The following DPP6 variants were observed in gnomAD, a reference collection of about 807,000 sequenced individuals.
The protein encoded by DPP6 is dipeptidyl peptidase like 6.
Under a neutral mutation model 122.6 loss-of-function variants are expected in DPP6, and 69 were observed. That is an observed-to-expected ratio of 0.56 (90% CI 0.46 to 0.69). The LOEUF is 0.69. Ranked by LOEUF, DPP6 falls within the 30% of genes least tolerant of loss-of-function variation. The probability of loss-of-function intolerance (pLI) is 0.00; values close to 1 mark genes in which losing one functional copy is unlikely to be tolerated. For synonymous variants in DPP6, 418 were observed against 433.1 expected, an observed-to-expected ratio of 0.97 and a Z score of 0.43; for missense variants, 928 against 1,116.9, an observed-to-expected ratio of 0.83 and a Z score of 2.41.
At chr7:154,132,035 G>A (rs1387993284) in intron 1 of DPP6, among the ~76,000 whole-genome samples, 7 of 152,068 alleles carry the variant, frequency 4.6e-5, no homozygotes, top group Admixed American at 4.6e-4. Context: ...TGCAGATGAG[G>A]GTGAGACCTT....
chr7:154,594,724 G>A (rs1387385010), intron 5 of DPP6, among the ~76,000 whole-genome samples: 1 of 152,100 alleles, frequency 6.6e-6, no homozygotes. Flanking sequence ...CTACCACAAC[G>A]TTGAACTTAC....
chr7:154,572,926 C>T (rs1008196907), intron 5 of DPP6, among the ~76,000 whole-genome samples: 3 of 151,868 alleles, frequency 2.0e-5, no homozygotes, highest in East Asian at 1.9e-4. Context: ...TTGATCCACC[C>T]GCCTCGGCCT....
rs748882322 is a variant in DPP6, at chr7:154,837,232, ACG to A, written c.1667-16546_1667-16545del. ...CACATGCACACACATGCACACACAC[ACG>A]CATGCATAAGGCACATTCACACATG... is the stretch of plus-strand genomic sequence containing the variant. On this transcript the variant is annotated intron_variant, in intron 16 of 25. Coordinates refer to ENST00000377770, the MANE Select transcript of DPP6 (RefSeq NM_130797.4). 5.4e-3 allele frequency among the ~76,000 whole-genome samples: 820 copies of A among 151,270 alleles called. 7 individuals are homozygous for A. The highest frequency in any genetic ancestry group is 0.019 in the African/African-American group (778 of 41,098).
chr7:154,853,588 A>C (rs1033711953), intron 16 of DPP6, among the ~76,000 whole-genome samples, 192 bp from the exon 17 acceptor site: 2 of 152,246 alleles, frequency 1.3e-5, no homozygotes, highest in South Asian at 2.1e-4. Context: ...GTGCAGAGGT[A>C]GGGAGCTGTG....
intron 1 of DPP6, among the ~76,000 whole-genome samples, chr7:154,391,058 G>A (rs1445281982): frequency 6.6e-6 from 1 of 152,172 alleles, no homozygotes; most frequent in Admixed American, 6.5e-5. Context: ...ATGAGGTGAT[G>A]TGCATAAAGC....
At chr7:154,152,212 C>T (rs554966679) in intron 1 of DPP6, among the ~76,000 whole-genome samples, 1 of 152,128 alleles carries the variant, frequency 6.6e-6, no homozygotes, top group East Asian at 1.9e-4. Flanking sequence ...GGTAGGCTTG[C>T]CACATGGAAG....
chr7:154,372,959 C>T (rs1812802431), intron 1 of DPP6, among the ~76,000 whole-genome samples: 1 of 152,200 alleles, frequency 6.6e-6, no homozygotes, highest in Admixed American at 6.5e-5. Flanking sequence ...GGGGACTGAC[C>T]CTGGAAATGG....
upstream of DPP6, among the ~76,000 whole-genome samples, chr7:153,885,855 C>A (rs555300491): frequency 4.6e-5 from 7 of 152,186 alleles, no homozygotes; most frequent in South Asian, 1.5e-3. Context: ...GTGCACATGT[C>A]CTAATGTTTT....
chr7:153,773,328 ATAT>A, the DPP6 span, among the ~76,000 whole-genome samples: 15 of 68,292 alleles, frequency 2.2e-4, no homozygotes, highest in Non-Finnish European at 4.7e-4. Flanking sequence ...ATATATATAT[ATAT>A]TTTTTTTTAA....
chr7:154,077,177 A>G (rs1233738040), intron 1 of DPP6, among the ~76,000 whole-genome samples: 2 of 152,192 alleles, frequency 1.3e-5, no homozygotes, highest in Non-Finnish European at 2.9e-5. Flanking sequence ...ATGCCTTTGC[A>G]TTGTTGCACT....
chr7:153,969,352 A>G (rs1245044738), intron 1 of DPP6, among the ~76,000 whole-genome samples: 2 of 7,600 alleles, frequency 2.6e-4, no homozygotes, highest in Admixed American at 3.8e-3. Flanking sequence ...GAGGAGGGTG[A>G]TTTTGACAGT....
At chr7:154,683,355 C>G (rs1326344311) in intron 7 of DPP6, among the ~76,000 whole-genome samples, 3 of 152,280 alleles carry the variant, frequency 2.0e-5, no homozygotes, top group Non-Finnish European at 4.4e-5. Context: ...AAAGCTCTGC[C>G]CTGTAAGTGG....
intron 1 of DPP6, among the ~76,000 whole-genome samples, chr7:154,421,475 AC>A (rs1817467456): frequency 6.6e-6 from 1 of 152,138 alleles, no homozygotes; most frequent in South Asian, 2.1e-4. Context: ...GGCGTGCACC[AC>A]CACGCCCAGC....
rs1247717849 is a variant in DPP6 at position 154,663,178 on chromosome 7, T to C, written c.681-6182T>C. On this transcript the variant is annotated intron_variant, in intron 6 of 25. Transcript: ENST00000377770. The stretch of plus-strand genomic sequence containing the variant: ...AATCACCATGGCGTATTGGCGGTAG[T>C]GTTCATATAGTCATGGTGAATCAGC... 6.7e-5 allele frequency among the ~76,000 whole-genome samples: 5 copies of C among 74,784 alleles called. 2 individuals carry two copies. The Admixed American group carries it at 6.9e-4, about 10-fold the overall frequency. The allele number at this position is 74,784 out of a possible 152,430, so 49.1% of individuals were successfully genotyped here.
chr7:154,012,143 C>G (rs1001484893), intron 1 of DPP6, among the ~76,000 whole-genome samples: 1 of 152,158 alleles, frequency 6.6e-6, no homozygotes. Context: ...ACTATTAGAG[C>G]CAGGTTTAGT....
At chr7:154,013,100 G>A (rs1042002117) in intron 1 of DPP6, among the ~76,000 whole-genome samples, 9 of 152,206 alleles carry the variant, frequency 5.9e-5, no homozygotes, top group African/African-American at 2.2e-4. Flanking sequence ...CTCCCAGGCT[G>A]GAAAACAGCC....
At position 154,658,058 on chromosome 7, in the gene DPP6, A is replaced by C. The variant is rs1837386280; in HGVS notation, c.681-11302A>C. Among the ~76,000 whole-genome samples the C allele has an allele frequency of 2.0e-5, 3 of 152,332 alleles. No individual in the cohort carries two copies. In the South Asian group the frequency reaches 6.2e-4, roughly 32 times the overall value. ...TGGGAAGGATGAATCGGCCGAGCAC[A>C]CAGAGGTTTGGAGACCCAAAAGACG... On this transcript the variant is annotated intron_variant, in intron 6 of 25. Coordinates refer to ENST00000377770, the MANE Select transcript of DPP6 (RefSeq NM_130797.4).
chr7:154,751,445 CAAA>C (rs36080228), intron 8 of DPP6, among the ~76,000 whole-genome samples: 1 of 136,906 alleles, frequency 7.3e-6, no homozygotes. Context: ...CCTAAAAATA[CAAA>C]AAAAAAAAAA....
chr7:153,886,459 C>T (rs977046046), upstream of DPP6, among the ~76,000 whole-genome samples: 9 of 152,282 alleles, frequency 5.9e-5, no homozygotes, highest in Middle Eastern at 3.4e-3. Context: ...GGGCGCCAGA[C>T]TGGGCTGCGG....
Sources: gnomAD v4.1 joint callset for allele counts (sites outside exome capture counted in the v4.1 genomes callset) on GRCh38, gnomAD v4.1.1 for gene constraint, MANE v1.5 for transcripts, NCBI Gene and HGNC (gene_info 2026-07-23, HGNC 2026-07-21) for gene names.